The following DENND5A variants were observed in gnomAD, a reference collection of about 807,000 sequenced individuals.
DENND5A encodes DENN domain-containing protein 5A.
A neutral mutation model predicts 140.3 loss-of-function variants in DENND5A; 64 were observed. The observed-to-expected ratio is 0.46, with a 90% CI of 0.37 to 0.56. The LOEUF (loss-of-function observed/expected upper bound fraction) is 0.56. Among genes scored for constraint, DENND5A ranks in the 20% least tolerant of loss-of-function variants. The pLI, the probability that DENND5A is intolerant of heterozygous loss-of-function variation, is 0.00. For synonymous variants in DENND5A, 605 were observed against 607.7 expected (o/e 1.00, Z 0.07); for missense variants, 1,292 against 1,593.8 (o/e 0.81, Z 3.22).
At chr11:9,218,527 A>G (rs1236150764) in intron 1 of DENND5A, among the ~76,000 whole-genome samples, 2 of 152,024 alleles carry the variant, frequency 1.3e-5, no homozygotes, top group East Asian at 3.9e-4. Context: ...GGAGTTTGAG[A>G]CCAGTCTGTG....
Position 9,143,547 on chromosome 11 carries a change from G to T in DENND5A, c.3305-62C>A, listed in dbSNP as rs535525981. On this transcript the variant is annotated intron_variant, in intron 19 of 22. Coordinates refer to ENST00000328194, the MANE Select transcript of DENND5A (RefSeq NM_015213.4). Reference sequence around the variant, plus strand: ...TGAGGCTAACAGTGCTTAGCTGCCTGAGCAGGAGACTGAGGACACGGGGAG... The same window carrying T: ...TGAGGCTAACAGTGCTTAGCTGCCTTAGCAGGAGACTGAGGACACGGGGAG... 1,858 of 1,390,288 alleles carry T rather than the reference G, an allele frequency of 1.3e-3. 3 individuals are homozygous for T. The highest frequency in any genetic ancestry group is 1.8e-3 in the Non-Finnish European group (1,731 of 978,198). The allele number at this position is 1,390,288 out of a possible 1,614,324, so 86.1% of individuals were successfully genotyped here.
At chr11:9,183,823 C>T (rs554191372) in intron 5 of DENND5A, among the ~76,000 whole-genome samples, 112 of 152,042 alleles carry the variant, frequency 7.4e-4, no homozygotes, top group Admixed American at 5.0e-3. Flanking sequence ...ATACTTCATT[C>T]ATTTTCACTC....
intron 1 of DENND5A, among the ~76,000 whole-genome samples, chr11:9,228,606 G>A (rs1173010526): frequency 4.0e-5 from 6 of 151,682 alleles, no homozygotes; most frequent in South Asian, 2.1e-4. Context: ...AAAATTAGCC[G>A]GGTGTGGTGG....
chr11:9,263,705 G>A (rs1852313189), intron 1 of DENND5A, among the ~76,000 whole-genome samples: 1 of 147,848 alleles, frequency 6.8e-6, no homozygotes. Flanking sequence ...AGCCGGGCGC[G>A]GTGGCGGGCG....
At chr11:9,251,605 C>A (rs1035333918) in intron 1 of DENND5A, among the ~76,000 whole-genome samples, 5 of 152,162 alleles carry the variant, frequency 3.3e-5, no homozygotes, top group Admixed American at 3.3e-4. Flanking sequence ...TAAGACTCAG[C>A]CCAGGGTTCT....
chr11:9,150,164 G>A lies in DENND5A; in HGVS notation c.2652C>T (p.Ala884=), dbSNP rs1847567778. 2 of 1,613,952 alleles carry A rather than the reference G, an allele frequency of 1.2e-6. No homozygotes were observed. Among genetic ancestry groups the A allele is most frequent in the South Asian group, 1.1e-5 (1 of 91,066 alleles). Residue 884 remains alanine, a synonymous_variant, in exon 15 of 23, where the codon GCC becomes GCT. Transcript: ENST00000328194. ...CCATGGACAGTCGCACCCATGCTCTGGCCTTTCCCACATCAGTCTTGATTT... is the reference window on the plus strand; with the variant it reads ...CCATGGACAGTCGCACCCATGCTCTAGCCTTTCCCACATCAGTCTTGATTT... ...IGEIKTDVGK[A]RAWVRLSMEK... is the part of the protein sequence containing the mutation.
chr11:9,210,251 C>T (rs557392203), intron 1 of DENND5A, among the ~76,000 whole-genome samples: 1 of 152,202 alleles, frequency 6.6e-6, no homozygotes, highest in African/African-American at 2.4e-5. Context: ...AGGAATATGA[C>T]ATCACCAACA....
At chr11:9,215,721 T>G (rs1223149118) in intron 1 of DENND5A, among the ~76,000 whole-genome samples, 1 of 90,884 alleles carries the variant, frequency 1.1e-5, no homozygotes, top group Non-Finnish European at 2.2e-5. Context: ...CTAATTGTTT[T>G]TGTGTTTTAG....
chr11:9,244,246 C>T (rs1851369073), intron 1 of DENND5A, among the ~76,000 whole-genome samples: 1 of 152,158 alleles, frequency 6.6e-6, no homozygotes, highest in South Asian at 2.1e-4. Context: ...GTGTCCTTTC[C>T]AAAATTCAGG....
chr11:9,230,293 T>C (rs1160642397), intron 1 of DENND5A, among the ~76,000 whole-genome samples: 2 of 134,462 alleles, frequency 1.5e-5, no homozygotes, highest in Non-Finnish European at 3.0e-5. Context: ...CAGGCCAAAG[T>C]GCAGTGGTGC....
At chr11:9,234,898 G>T (rs920146341) in intron 1 of DENND5A, among the ~76,000 whole-genome samples, 1 of 152,058 alleles carries the variant, frequency 6.6e-6, no homozygotes, top group Non-Finnish European at 1.5e-5. Context: ...AAGGCTCTCA[G>T]CTCTGAAAGC....
At chr11:9,166,061 C>G in intron 10 of DENND5A, 94 bp from the exon 11 acceptor site, 1 of 1,154,130 alleles carries the variant, frequency 8.7e-7, no homozygotes, top group Non-Finnish European at 1.2e-6. Flanking sequence ...GCATTATTTT[C>G]TCACATTTTC....
chr11:9,139,851 A>T lies in DENND5A; in HGVS notation c.3684T>A (p.Asp1228Glu), dbSNP rs773541650. 1.2e-6 allele frequency: 2 copies of T among 1,613,746 alleles called. No individual in the cohort carries two copies. Among genetic ancestry groups the T allele is most frequent in the Admixed American group, 3.3e-5 (2 of 59,998 alleles). The part of the protein sequence containing the change: ...FQMLVCLGAR[D>E]HLLHHWIALL... ...GGGCAATCCAGTGGTGTAGGAGGTG[A>T]TCTCTGGCAGAGCGGGAGCAGTCCA... Residue 1228 changes from aspartate (D) to glutamate (E), a missense_variant, in exon 23 of 23, where the codon GAT becomes GAA. Coordinates refer to ENST00000328194, the MANE Select transcript of DENND5A (RefSeq NM_015213.4).
chr11:9,155,189 TAA>T (rs1674509783), intron 12 of DENND5A, among the ~76,000 whole-genome samples: 1 of 152,016 alleles, frequency 6.6e-6, no homozygotes, highest in African/African-American at 2.4e-5. Context: ...ACAGATAATA[TAA>T]GAGCTTAAAA....
At chr11:9,151,275 G>A (rs1564883263) in intron 13 of DENND5A, among the ~76,000 whole-genome samples, 2 of 152,336 alleles carry the variant, frequency 1.3e-5, no homozygotes, top group African/African-American at 2.4e-5. Flanking sequence ...TCTAGGAGAA[G>A]AGAAGATATA....
intron 1 of DENND5A, among the ~76,000 whole-genome samples, chr11:9,227,105 T>A (rs1255745917): frequency 6.6e-6 from 1 of 151,144 alleles, no homozygotes; most frequent in Non-Finnish European, 1.5e-5. Context: ...GAGGCAGAGG[T>A]TACAGTAAGG....
chr11:9,165,469 TCGCTC>T (rs1848157386), intron 11 of DENND5A, among the ~76,000 whole-genome samples: 1 of 152,008 alleles, frequency 6.6e-6, no homozygotes, highest in Non-Finnish European at 1.5e-5. Flanking sequence ...AGACAGAGTC[TCGCTC>T]TGTTGCCCAG....
intron 1 of DENND5A, among the ~76,000 whole-genome samples, chr11:9,234,948 C>G (rs1397761839): frequency 6.6e-6 from 1 of 152,144 alleles, no homozygotes; most frequent in African/African-American, 2.4e-5. Context: ...CTCTATATTT[C>G]TGTGTGTGTG....
At chr11:9,209,281 T>C (rs1057009190) in intron 1 of DENND5A, among the ~76,000 whole-genome samples, 20 of 152,140 alleles carry the variant, frequency 1.3e-4, no homozygotes, top group African/African-American at 4.8e-4. Context: ...CTAAAATGGC[T>C]GTAAGGAGCT....
Sources: gnomAD v4.1 joint callset for allele counts (sites outside exome capture counted in the v4.1 genomes callset) on GRCh38, gnomAD v4.1.1 for gene constraint, MANE v1.5 for transcripts, NCBI Gene and HGNC (gene_info 2026-07-23, HGNC 2026-07-21) for gene names.